Variants in MCC observed in about 807,000 individuals in gnomAD.
MCC encodes MCC regulator of Wnt signaling pathway, also known as colorectal mutant cancer protein.
In MCC, 90 loss-of-function variants were observed where a neutral mutation model predicts 116.2. That is an observed-to-expected ratio of 0.77 (90% CI 0.65 to 0.92). The LOEUF is 0.92. Ranked by LOEUF, MCC falls within the 40% of genes least tolerant of loss-of-function variation. The pLI is 0.00. For synonymous variants in MCC, 578 were observed against 510.5 expected (o/e 1.13, Z -1.78); for missense variants, 1,516 against 1,312.2 (o/e 1.16, Z -2.40).
intron 1 of MCC, among the ~76,000 whole-genome samples, chr5:113,416,761 C>A (rs1447252568): frequency 6.6e-6 from 1 of 151,942 alleles, no homozygotes; most frequent in East Asian, 1.9e-4. Context: ...AATTTTGTAC[C>A]ACATACATAT....
At chr5:113,386,865 T>C (rs907685781) in intron 1 of MCC, among the ~76,000 whole-genome samples, 30 of 151,962 alleles carry the variant, frequency 2.0e-4, no homozygotes, top group Non-Finnish European at 4.3e-4. Flanking sequence ...AATATATACA[T>C]GGAAGTGGGT....
At chr5:113,058,252 C>T (rs972107135) in intron 14 of MCC, among the ~76,000 whole-genome samples, 9 of 152,210 alleles carry the variant, frequency 5.9e-5, no homozygotes, top group African/African-American at 2.2e-4. Flanking sequence ...CTAGCATTCT[C>T]TAATTACCCT....
intron 3 of MCC, among the ~76,000 whole-genome samples, chr5:113,261,994 T>C (rs1765235700): frequency 6.6e-6 from 1 of 152,126 alleles, no homozygotes; most frequent in African/African-American, 2.4e-5. Flanking sequence ...TATCTACCCC[T>C]CTGATAATTA....
chr5:113,364,378 G>A (rs994655488), intron 2 of MCC, among the ~76,000 whole-genome samples: 1 of 151,984 alleles, frequency 6.6e-6, no homozygotes, highest in Non-Finnish European at 1.5e-5. Context: ...CACATCCAGG[G>A]TACACAAATG....
At chr5:113,254,058 G>C (rs1455984257) in intron 3 of MCC, among the ~76,000 whole-genome samples, 2 of 152,106 alleles carry the variant, frequency 1.3e-5, no homozygotes, top group Admixed American at 6.5e-5. Flanking sequence ...AAGGAAAAAA[G>C]ATTCTCATAA....
intron 3 of MCC, among the ~76,000 whole-genome samples, chr5:113,271,959 T>G (rs1327128545): frequency 6.6e-6 from 1 of 152,188 alleles, no homozygotes; most frequent in Non-Finnish European, 1.5e-5. Context: ...CAAAATGAAC[T>G]GAGACAGTTG....
intron 1 of MCC, among the ~76,000 whole-genome samples, chr5:113,460,752 T>C (rs1212318043): frequency 6.6e-6 from 1 of 152,206 alleles, no homozygotes; most frequent in Admixed American, 6.5e-5. Context: ...GCTTGTTGCC[T>C]TATATTTGGC....
At chr5:113,364,289 G>GCCCCATGC (rs1421899368) in intron 2 of MCC, among the ~76,000 whole-genome samples, 1 of 137,386 alleles carries the variant, frequency 7.3e-6, no homozygotes, top group African/African-American at 2.8e-5. Context: ...GGAACTCTAG[G>GCCCCATGC]CCCCATGCAA....
intron 8 of MCC, among the ~76,000 whole-genome samples, chr5:113,090,526 G>A (rs1049941708): frequency 6.6e-6 from 1 of 152,146 alleles, no homozygotes; most frequent in African/African-American, 2.4e-5. Flanking sequence ...AATGTGCCTG[G>A]GGCATTGGCC....
At chr5:113,339,438 T>TGTGTGTGTGTGTGTGC (rs145838279) in intron 3 of MCC, among the ~76,000 whole-genome samples, 44 of 149,670 alleles carry the variant, frequency 2.9e-4, no homozygotes, top group Middle Eastern at 3.4e-3. Flanking sequence ...TGTGTGTGTG[T>TGTGTGTGTGTGTGTGC]GCGTGCATGT....
At chr5:113,110,300 G>C (rs1007935166) in intron 6 of MCC, among the ~76,000 whole-genome samples, 2 of 152,216 alleles carry the variant, frequency 1.3e-5, no homozygotes, top group Non-Finnish European at 2.9e-5. Context: ...GAAAGGCTGG[G>C]AGCAAACGGA....
chr5:113,408,485 C>A (rs1461548430), intron 1 of MCC, among the ~76,000 whole-genome samples: 1 of 152,174 alleles, frequency 6.6e-6, no homozygotes, highest in Non-Finnish European at 1.5e-5. Context: ...CCAATCTTTA[C>A]CTGACAATGA....
At chr5:113,111,464 C>G (rs927316484) in intron 6 of MCC, among the ~76,000 whole-genome samples, 1 of 152,202 alleles carries the variant, frequency 6.6e-6, no homozygotes, top group Non-Finnish European at 1.5e-5. Context: ...ATCCAGCACC[C>G]TGAGCTCCTG....
At chr5:113,353,972 G>C (rs1054744674) in intron 2 of MCC, among the ~76,000 whole-genome samples, 4 of 152,188 alleles carry the variant, frequency 2.6e-5, no homozygotes, top group Non-Finnish European at 5.9e-5. Flanking sequence ...TGTCCACTGA[G>C]AGTCAATATC....
intron 1 of MCC, among the ~76,000 whole-genome samples, 155 bp downstream of exon 1, chr5:113,488,090 C>G (rs1056343039): frequency 6.6e-6 from 1 of 152,042 alleles, no homozygotes; most frequent in African/African-American, 2.4e-5. Context: ...CCTTCGTGGC[C>G]GAGCCGGCTA....
intron 12 of MCC, 100 bp downstream of exon 12, chr5:113,070,994 G>C: frequency 7.2e-7 from 1 of 1,396,826 alleles, no homozygotes; most frequent in Non-Finnish European, 9.8e-7. Flanking sequence ...CAAACTGCCA[G>C]ATATGCCTTC....
intron 1 of MCC, among the ~76,000 whole-genome samples, chr5:113,390,799 G>A (rs964206716): frequency 4.6e-5 from 7 of 152,130 alleles, no homozygotes; most frequent in Non-Finnish European, 7.3e-5. Flanking sequence ...GCATGCTTTT[G>A]TTCGAAATTC....
intron 2 of MCC, among the ~76,000 whole-genome samples, chr5:113,350,746 C>T (rs1398564793): frequency 6.6e-6 from 1 of 152,040 alleles, no homozygotes; most frequent in Admixed American, 6.6e-5. Context: ...AGTGAAGAGA[C>T]AACCCACAGA....
intron 1 of MCC, among the ~76,000 whole-genome samples, chr5:113,408,923 G>A (rs914206478): frequency 1.3e-5 from 2 of 152,194 alleles, no homozygotes; most frequent in African/African-American, 4.8e-5. Flanking sequence ...TACAGACTAA[G>A]TAAGGCTTTA....
Sources: gnomAD v4.1 joint callset for allele counts (sites outside exome capture counted in the v4.1 genomes callset) on GRCh38, gnomAD v4.1.1 for gene constraint, MANE v1.5 for transcripts, NCBI Gene and HGNC (gene_info 2026-07-23, HGNC 2026-07-21) for gene names.